NUDC: variants seen among roughly 807,000 people sequenced by gnomAD.
The protein encoded by NUDC is nuclear distribution C, dynein complex regulator, also known as nuclear migration protein nudC.
NUDC carries 14 observed loss-of-function variants against 45.0 expected under a neutral mutation model. That is an observed-to-expected ratio of 0.31 (90% CI 0.21 to 0.49). The LOEUF (loss-of-function observed/expected upper bound fraction) is 0.49. Among genes scored for constraint, NUDC ranks in the 20% least tolerant of loss-of-function variants. NUDC has a pLI of 0.99. For synonymous variants in NUDC, 153 were observed against 156.7 expected, an observed-to-expected ratio of 0.98 and a Z score of 0.17; for missense variants, 323 against 426.2, an observed-to-expected ratio of 0.76 and a Z score of 2.13.
At chr1:26,920,776 C>CCA (rs2082085627), upstream of NUDC, among the ~76,000 whole-genome samples, 1 of 133,728 alleles carries the variant, frequency 7.5e-6, no homozygotes, top group South Asian at 2.5e-4. Flanking sequence ...AAACAAAAAA[C>CCA]AAAAAAAAAA....
At chr1:26,900,208 A>G (rs2081969367), upstream of NUDC, 1 of 1,613,960 alleles carries the variant, frequency 6.2e-7, no homozygotes, top group Admixed American at 1.7e-5. Context: ...GAAGTCTGAG[A>G]GAGAAGCTGG....
At chr1:26,946,101 G>A in intron 8 of NUDC, 29 bp from the exon 9 acceptor site, 1 of 1,605,858 alleles carries the variant, frequency 6.2e-7, no homozygotes, top group Non-Finnish European at 8.5e-7. Context: ...AGAAGGATGA[G>A]CTGTTTCATC....
In NUDC at chr1:26,945,638, T is replaced by C. The variant is rs1163992980; in HGVS notation, c.896T>C (p.Met299Thr). 2.5e-6 allele frequency: 4 copies of C among 1,614,104 alleles called. No homozygotes were observed. The highest frequency in any genetic ancestry group is 1.1e-5 in the South Asian group (1 of 91,080). ...KMMYDQRQKSMGLPTSDEQKK... is the reference protein window; with the variant it reads ...KMMYDQRQKSTGLPTSDEQKK... ...ATGTATGACCAGCGACAGAAGTCCA[T>C]GGGGCTGCCAACTTCAGACGAACAG... Residue 299 changes from methionine (M) to threonine (T), a missense_variant, in exon 8 of 9, where the codon ATG becomes ACG. Physicochemically the swap from Met to Thr is moderately conservative, Grantham distance 81. Transcript: ENST00000321265.
intron 2 of NUDC, among the ~76,000 whole-genome samples, chr1:26,929,446 TA>T (rs1487055712): frequency 2.6e-5 from 4 of 151,948 alleles, no homozygotes; most frequent in African/African-American, 9.7e-5. Flanking sequence ...AAATATAATC[TA>T]ATTACTTACA....
intron 2 of NUDC, among the ~76,000 whole-genome samples, chr1:26,934,875 T>C (rs1460749319): frequency 5.3e-5 from 8 of 152,114 alleles, no homozygotes; most frequent in Non-Finnish European, 1.0e-4. Context: ...GCCAGGATGG[T>C]CTCGATCTCC....
intron 2 of NUDC, among the ~76,000 whole-genome samples, chr1:26,940,098 C>T (rs868112704): frequency 3.6e-4 from 55 of 152,274 alleles, no homozygotes; most frequent in African/African-American, 1.1e-3. Flanking sequence ...AAGTTGATAG[C>T]TTGCTTGCTG....
intron 3 of NUDC, among the ~76,000 whole-genome samples, chr1:26,912,786 T>C (rs951968013): frequency 1.3e-5 from 2 of 152,174 alleles, no homozygotes; most frequent in Non-Finnish European, 2.9e-5. Context: ...AGGATGTGAC[T>C]GAGACACAGC....
intron 6 of NUDC, among the ~76,000 whole-genome samples, chr1:26,943,320 G>A (rs1419768912): frequency 6.6e-6 from 1 of 152,024 alleles, no homozygotes; most frequent in African/African-American, 2.4e-5. Flanking sequence ...CAATTCTCTC[G>A]CCTCGTCCTC....
chr1:26,945,112 C>G, intron 6 of NUDC: 1 of 550,206 alleles, frequency 1.8e-6, no homozygotes. Context: ...AAGACTCAGC[C>G]CGAGTGTCAC....
At chr1:26,924,719 A>G (rs965125162) in intron 2 of NUDC, among the ~76,000 whole-genome samples, 1 of 151,840 alleles carries the variant, frequency 6.6e-6, no homozygotes, top group Non-Finnish European at 1.5e-5. Flanking sequence ...ACACCTGGCT[A>G]ATTTTTGTAT....
In NUDC at chr1:26,904,867, T is replaced by TC. The variant is rs1192233087; in HGVS notation, c.-16+2502dup. 4.6e-3 allele frequency among the ~76,000 whole-genome samples: 688 copies of TC among 149,720 alleles called. 4 individuals carry two copies. The highest frequency in any genetic ancestry group is 7.0e-3 in the Non-Finnish European group (468 of 67,188). ...TTATTATATAATTTTTTTTTTTTTT[T>TC]CTGAGACAGAGTCTTGCTCTGTCGC... On this transcript the variant is annotated intron_variant, in intron 2 of 6. Transcript: ENST00000435827.
At chr1:26,944,414 TCTGAAA>T in intron 6 of NUDC, among the ~76,000 whole-genome samples, 1 of 152,168 alleles carries the variant, frequency 6.6e-6, no homozygotes, top group Admixed American at 6.5e-5. Flanking sequence ...CCCAGGCTGG[TCTGAAA>T]CTCCTGGGCT....
At chr1:26,919,025 G>A (rs1053619696), upstream of NUDC, among the ~76,000 whole-genome samples, 1 of 151,564 alleles carries the variant, frequency 6.6e-6, no homozygotes, top group Non-Finnish European at 1.5e-5. Context: ...TGATCCACTT[G>A]CCTCGGCCTC....
intron 2 of NUDC, among the ~76,000 whole-genome samples, chr1:26,935,690 TATC>T (rs2082223794): frequency 6.6e-6 from 1 of 151,992 alleles, no homozygotes; most frequent in Non-Finnish European, 1.5e-5. Flanking sequence ...AACTAGATGA[TATC>T]ATATATCATC....
intron 2 of NUDC, among the ~76,000 whole-genome samples, chr1:26,907,640 GGC>G (rs1232621166): frequency 6.6e-6 from 1 of 152,006 alleles, no homozygotes; most frequent in Admixed American, 6.5e-5. Flanking sequence ...TCAACGATTT[GGC>G]TAATGAAGAT....
At chr1:26,911,680 A>G (rs866789228) in intron 3 of NUDC, 1 of 792,878 alleles carries the variant, frequency 1.3e-6, no homozygotes. Flanking sequence ...AAACCAAGGA[A>G]GTCCAATGTG....
intron 1 of NUDC, among the ~76,000 whole-genome samples, chr1:26,902,055 A>C (rs1194372851): frequency 6.6e-6 from 1 of 152,232 alleles, no homozygotes; most frequent in African/African-American, 2.4e-5. Context: ...ACTAAGGCTT[A>C]AGAAATGCCT....
intron 1 of NUDC, 169 bp downstream of exon 1, chr1:26,922,098 C>G: frequency 1.4e-6 from 1 of 700,764 alleles, no homozygotes; most frequent in Non-Finnish European, 2.4e-6. Flanking sequence ...GCAGGTCTCA[C>G]CCGGTTCGCA....
At chr1:26,928,713 A>G (rs1210597502) in intron 2 of NUDC, among the ~76,000 whole-genome samples, 1 of 152,210 alleles carries the variant, frequency 6.6e-6, no homozygotes, top group Non-Finnish European at 1.5e-5. Flanking sequence ...AAAACCCACA[A>G]TGAGATACTA....
Sources: allele counts gnomAD v4.1 joint callset (sites outside exome capture counted in the v4.1 genomes callset), GRCh38; gene constraint gnomAD v4.1.1; transcripts MANE v1.5; gene names NCBI Gene and HGNC (gene_info 2026-07-23, HGNC 2026-07-21).